Variants in USP18 observed in about 807,000 individuals in gnomAD.
USP18 encodes the protein ubiquitin specific peptidase 18, also known as ubl carboxyl-terminal hydrolase 18.
USP18 carries 11 observed loss-of-function variants against 48.7 expected under a neutral mutation model. The ratio of observed to expected loss-of-function variants is 0.23; its 90% CI spans 0.14 to 0.37. The LOEUF (loss-of-function observed/expected upper bound fraction) is 0.37. Ranked by LOEUF, USP18 falls within the 10% of genes least tolerant of loss-of-function variation. USP18 has a pLI of 1.00. For synonymous variants in USP18, 114 were observed against 163.2 expected, an observed-to-expected ratio of 0.70 and a Z score of 2.30; for missense variants, 285 against 436.4, an observed-to-expected ratio of 0.65 and a Z score of 3.09.
rs1259432647 is a variant in USP18 at position 18,157,731 on chromosome 22, C to T, written c.68C>T (p.Pro23Leu). The change falls in exon 2 of 11, where the codon CCG becomes CTG. Residue 23 changes from proline to leucine, a missense_variant. By Grantham distance (98) the Pro-to-Leu change is moderately conservative. Around this residue, in one of 5 missense-constraint regions of USP18, gnomAD observed 199 missense variants for 239.6 expected, o/e 0.83. Transcript: ENST00000215794. ...QSILAESSQS[P>L]ADLEEKKEED... ...ATCCTGGCTGAGTCCTCGCAGTCCCCGGCAGATCTTGAAGAAAAGAAGGAA... is the reference window on the plus strand; with the variant it reads ...ATCCTGGCTGAGTCCTCGCAGTCCCTGGCAGATCTTGAAGAAAAGAAGGAA... 1.2e-6 allele frequency: 2 copies of T among 1,613,988 alleles called. No individual in the cohort carries two copies. Among genetic ancestry groups the T allele is most frequent in the Admixed American group, 1.7e-5 (1 of 59,990 alleles).
chr22:18,174,765 T>A (rs1463254733), intron 10 of USP18, among the ~76,000 whole-genome samples: 1 of 152,054 alleles, frequency 6.6e-6, no homozygotes, highest in Admixed American at 6.5e-5. Flanking sequence ...TGGCATATTT[T>A]AAAAAAATGT....
intron 2 of USP18, 22 bp from the exon 3 acceptor site, chr22:18,160,150 T>G: frequency 6.2e-7 from 1 of 1,610,230 alleles, no homozygotes; most frequent in South Asian, 1.1e-5. Context: ...GCCCTCAGCA[T>G]TTTTTTCTCT....
At chr22:18,175,947 T>C (rs1409956101) in intron 10 of USP18, among the ~76,000 whole-genome samples, 2 of 146,460 alleles carry the variant, frequency 1.4e-5, no homozygotes, top group Non-Finnish European at 3.0e-5. Flanking sequence ...ATTGTGCCAG[T>C]GCACTCCAGC....
rs750624855 is a variant in USP18, at chr22:18,157,622, G to A, written c.-42G>A. The A allele has an allele frequency of 6.8e-6, 11 of 1,612,348 alleles. No homozygotes were observed. The highest frequency in any genetic ancestry group is 6.7e-5 in the East Asian group (3 of 44,838). On this transcript the variant is annotated 5_prime_UTR_variant, in exon 2 of 11. Transcript: ENST00000215794. ...AGTGAAGTCGTGCTGTCCTGAACGC[G>A]GGCCAGGCAGCTGCGGCCTGGGGGT...
chr22:18,166,998 C>T (rs903882826), intron 4 of USP18, among the ~76,000 whole-genome samples: 1 of 151,932 alleles, frequency 6.6e-6, no homozygotes, highest in East Asian at 1.9e-4. Context: ...CTTGGCCTCC[C>T]GAAGTGTTAA....
chr22:18,156,064 G>A (rs1211026806), intron 1 of USP18, among the ~76,000 whole-genome samples: 1 of 152,202 alleles, frequency 6.6e-6, no homozygotes, highest in Non-Finnish European at 1.5e-5. Flanking sequence ...AGCACCCTGT[G>A]TCTAGCTCAG....
In USP18 at chr22:18,157,879, C is replaced by A. The variant is rs527321600; in HGVS notation, c.157+59C>A. On this transcript the variant is annotated intron_variant, in intron 2 of 10. Transcript: ENST00000215794. Reference sequence around the variant, plus strand: ...CTGCATGTAAATGTTCGGCTCACCCCCTCCGCTCTGAAGCCGCAGAGCTTT... The same window carrying A: ...CTGCATGTAAATGTTCGGCTCACCCACTCCGCTCTGAAGCCGCAGAGCTTT... 3 of 1,601,252 alleles carry A rather than the reference C, an allele frequency of 1.9e-6. No individual in the cohort carries two copies. The Admixed American group carries it at 5.1e-5, about 27-fold the overall frequency.
chr22:18,157,606 G>C lies in USP18; in HGVS notation c.-58G>C, dbSNP rs963943990. 1.2e-6 allele frequency: 2 copies of C among 1,605,422 alleles called. No homozygotes were observed. Among genetic ancestry groups the C allele is most frequent in the African/African-American group, 1.3e-5 (1 of 74,546 alleles). The stretch of plus-strand genomic sequence containing the variant: ...ATAAGCGCTTCCTGGAAGTGAAGTC[G>C]TGCTGTCCTGAACGCGGGCCAGGCA... On this transcript the variant is annotated 5_prime_UTR_variant, in exon 2 of 11. Transcript: ENST00000215794.
intron 10 of USP18, among the ~76,000 whole-genome samples, chr22:18,175,865 G>C (rs1490868652): frequency 6.7e-6 from 1 of 150,158 alleles, no homozygotes. Flanking sequence ...CATAGTCCTA[G>C]CTACTCAGGA....
At chr22:18,157,852 G>C (rs753389761) in intron 2 of USP18, 32 bp downstream of exon 2, 1 of 1,612,820 alleles carries the variant, frequency 6.2e-7, no homozygotes, top group Non-Finnish European at 8.5e-7. Context: ...TCCTCTTCTT[G>C]ACTGCATGTA....
rs773524805 is a variant in USP18, at chr22:18,153,429, CAAAA to C, written c.-107+3216_-107+3219del. Reference sequence around the variant, plus strand: ...GGGTAAAAAGAGTGAAATTCCATCTCAAAAAAAAAAAAGGAGACAGGGTCTTGCC... The same window carrying C: ...GGGTAAAAAGAGTGAAATTCCATCTCAAAAAAAAGGAGACAGGGTCTTGCC... On this transcript the variant is annotated intron_variant, in intron 1 of 10. Transcript: ENST00000215794. Among the ~76,000 whole-genome samples, 57 of 126,364 alleles carry C rather than the reference CAAAA, an allele frequency of 4.5e-4. 3 individuals carry two copies. Among genetic ancestry groups the C allele is most frequent in the Middle Eastern group, 3.9e-3 (1 of 254 alleles). 82.9% of individuals were successfully genotyped at this position (126,364 alleles called of 152,430 possible).
intron 3 of USP18, among the ~76,000 whole-genome samples, chr22:18,160,767 CTTTT>C (rs951642767): frequency 1.7e-5 from 2 of 114,484 alleles, no homozygotes; most frequent in Non-Finnish European, 1.8e-5. Flanking sequence ...AGTATTGGTA[CTTTT>C]TTTTTTTTTT....
intron 4 of USP18, among the ~76,000 whole-genome samples, chr22:18,165,814 G>A (rs544502352): frequency 1.3e-5 from 2 of 148,738 alleles, no homozygotes; most frequent in African/African-American, 5.0e-5. Context: ...ATGCCCACTC[G>A]GCCACTTTTC....
intron 2 of USP18, among the ~76,000 whole-genome samples, chr22:18,159,196 C>T (rs1301655156): frequency 6.6e-6 from 1 of 151,932 alleles, no homozygotes; most frequent in African/African-American, 2.4e-5. Context: ...GCTGGGATTA[C>T]AGGCATGCAC....
intron 4 of USP18, among the ~76,000 whole-genome samples, chr22:18,163,102 CTGTTA>C (rs913412252): frequency 9.2e-5 from 14 of 151,912 alleles, no homozygotes; most frequent in Admixed American, 9.2e-4. Flanking sequence ...TTCTTCAGCT[CTGTTA>C]TTTCTTTTGA....
chr22:18,171,878 C>T (rs1929637034), intron 8 of USP18, among the ~76,000 whole-genome samples: 1 of 152,104 alleles, frequency 6.6e-6, no homozygotes, highest in Admixed American at 6.6e-5. Context: ...AGGCCGTATA[C>T]ATTTCATAGG....
intron 2 of USP18, 115 bp from the exon 3 acceptor site, chr22:18,160,057 G>A (rs560962208): frequency 3.5e-5 from 33 of 955,456 alleles, no homozygotes; most frequent in East Asian, 1.5e-4. Context: ...CAGGTGATCC[G>A]CCCACCTCGG....
At chr22:18,155,287 C>T (rs923970209) in intron 1 of USP18, among the ~76,000 whole-genome samples, 22 of 152,212 alleles carry the variant, frequency 1.4e-4, no homozygotes, top group African/African-American at 5.3e-4. Flanking sequence ...GGTCTAGTAT[C>T]AGGGTGATGA....
chr22:18,150,762 TA>T (rs1381426194), intron 1 of USP18, among the ~76,000 whole-genome samples: 2 of 152,166 alleles, frequency 1.3e-5, no homozygotes, highest in African/African-American at 4.8e-5. Flanking sequence ...GGTCAGGAGT[TA>T]CAGACATGGA....
Sources: allele counts gnomAD v4.1 joint callset (sites outside exome capture counted in the v4.1 genomes callset), GRCh38; gene constraint gnomAD v4.1.1; regional missense constraint gnomAD v4.1.1; transcripts MANE v1.5; gene names NCBI Gene and HGNC (gene_info 2026-07-23, HGNC 2026-07-21).